The following FAM135A variants were observed in gnomAD, a reference collection of about 807,000 sequenced individuals.
FAM135A encodes the protein family with sequence similarity 135 member A, also known as protein FAM135A.
In FAM135A, 79 loss-of-function variants were observed where a neutral mutation model predicts 146.8. The observed-to-expected ratio is 0.54, with a 90% confidence interval of 0.45 to 0.65. FAM135A has a LOEUF of 0.65. Among genes scored for constraint, FAM135A ranks in the 30% least tolerant of loss-of-function variants. FAM135A has a pLI of 0.00. For synonymous variants in FAM135A, 562 were observed against 603.6 expected, an observed-to-expected ratio of 0.93 and a Z score of 1.01; for missense variants, 1,623 against 1,758.2, an observed-to-expected ratio of 0.92 and a Z score of 1.38.
chr6:70,541,831 A>T (rs921772049), intron 20 of FAM135A, among the ~76,000 whole-genome samples: 2 of 152,170 alleles, frequency 1.3e-5, no homozygotes, highest in African/African-American at 2.4e-5. Context: ...GAATGGCATC[A>T]TCTGCCTAGT....
intron 5 of FAM135A, among the ~76,000 whole-genome samples, chr6:70,454,325 A>G (rs1777806532): frequency 6.6e-6 from 1 of 152,170 alleles, no homozygotes. Flanking sequence ...TCAGATGGGT[A>G]GATTGCAAGA....
intron 4 of FAM135A, among the ~76,000 whole-genome samples, chr6:70,449,203 A>C (rs1776498609): frequency 6.6e-6 from 1 of 152,188 alleles, no homozygotes; most frequent in Non-Finnish European, 1.5e-5. Context: ...GTATGTATTA[A>C]ATCAAGCTAA....
intron 2 of FAM135A, among the ~76,000 whole-genome samples, chr6:70,422,475 A>T (rs2127724401): frequency 6.6e-6 from 1 of 152,318 alleles, no homozygotes; most frequent in East Asian, 1.9e-4. Context: ...ATTTGTCAGC[A>T]TCATTATGTA....
intron 7 of FAM135A, 31 bp downstream of exon 7, chr6:70,475,764 G>T: frequency 6.6e-7 from 1 of 1,516,710 alleles, no homozygotes; most frequent in South Asian, 1.2e-5. Flanking sequence ...AAAACCTTTA[G>T]GCACTTATGA....
At chr6:70,428,831 T>A (rs1282197430) in intron 4 of FAM135A, among the ~76,000 whole-genome samples, 1 of 152,222 alleles carries the variant, frequency 6.6e-6, no homozygotes, top group Non-Finnish European at 1.5e-5. Context: ...ATATCATTTT[T>A]AATTATTAAC....
intron 5 of FAM135A, among the ~76,000 whole-genome samples, chr6:70,457,553 T>C (rs1310639529): frequency 1.3e-5 from 2 of 152,226 alleles, no homozygotes; most frequent in Non-Finnish European, 2.9e-5. Flanking sequence ...AAAGTGGACA[T>C]TTTATAGCTG....
intron 20 of FAM135A, among the ~76,000 whole-genome samples, chr6:70,540,749 T>A (rs2128443882): frequency 6.6e-6 from 1 of 152,306 alleles, no homozygotes; most frequent in Admixed American, 6.5e-5. Context: ...TCTATCCTAG[T>A]CATCTTGCAA....
At chr6:70,507,605 T>A (rs1484901413) in intron 12 of FAM135A, among the ~76,000 whole-genome samples, 1 of 152,172 alleles carries the variant, frequency 6.6e-6, no homozygotes, top group Admixed American at 6.6e-5. Flanking sequence ...AATTTTATAC[T>A]GGTTCAACTA....
At chr6:70,493,762 G>A (rs1305861996) in intron 11 of FAM135A, among the ~76,000 whole-genome samples, 2 of 152,104 alleles carry the variant, frequency 1.3e-5, no homozygotes, top group Non-Finnish European at 2.9e-5. Flanking sequence ...CCTTAAAAAT[G>A]ATGTTTTTGG....
Position 70,525,621 on chromosome 6 carries a change from A to G in FAM135A, c.2537A>G (p.Asp846Gly), listed in dbSNP as rs766907335. The change falls in exon 15 of 22, where the codon GAT (aspartate) becomes GGT (glycine). Residue 846 changes from aspartate to glycine, a missense_variant. Around this residue, in one of 7 missense-constraint regions of FAM135A, gnomAD observed 1,061 missense variants for 1,113.8 expected, o/e 0.95. Coordinates refer to ENST00000418814, the MANE Select transcript of FAM135A (RefSeq NM_001162529.3). ...ACATCCATAAACTCTCTACCCTCCGATGATGAACTGTCACCTGATGAAAAT... is the reference window on the plus strand; with the variant it reads ...ACATCCATAAACTCTCTACCCTCCGGTGATGAACTGTCACCTGATGAAAAT... ...SLTSINSLPS[D>G]DELSPDENSK... 18 of 1,613,390 alleles carry G rather than the reference A, an allele frequency of 1.1e-5. No individual in the cohort carries two copies. The highest frequency in any genetic ancestry group is 1.3e-5 in the Non-Finnish European group (15 of 1,179,654).
Position 70,480,918 on chromosome 6 carries a change from A to G in FAM135A, c.560A>G (p.Lys187Arg), listed in dbSNP as rs1469673088. 5 of 1,611,010 alleles carry G rather than the reference A, an allele frequency of 3.1e-6. No homozygotes were observed. The change falls in exon 9 of 22, where the codon AAG (lysine) becomes AGG (arginine). Residue 187 changes from lysine to arginine, a missense_variant. Physicochemically the swap from Lys to Arg is conservative, Grantham distance 26 (BLOSUM62 2). Coordinates refer to ENST00000418814, the MANE Select transcript of FAM135A (RefSeq NM_001162529.3). ...TCCTCCAGCTTTCCTCGCCCTGTGA[A>G]GACAACTTGGTTAAATAGAAATGCA... ...QPLISFPRPV[K>R]TTWLNRNAPA...
chr6:70,417,640 T>G, intron 2 of FAM135A: 1 of 985,144 alleles, frequency 1.0e-6, no homozygotes, highest in Non-Finnish European at 1.2e-6. Context: ...TGCAGCTGTT[T>G]CATTCATGAT....
intron 20 of FAM135A, among the ~76,000 whole-genome samples, chr6:70,540,547 G>C (rs1242380685): frequency 6.6e-6 from 1 of 151,930 alleles, no homozygotes; most frequent in East Asian, 1.9e-4. Context: ...GGCTGGTCTC[G>C]ATCTCCTGAC....
chr6:70,462,253 A>C (rs1554276123), intron 5 of FAM135A, among the ~76,000 whole-genome samples: 1 of 152,186 alleles, frequency 6.6e-6, no homozygotes, highest in Non-Finnish European at 1.5e-5. Context: ...ATGAGAGAAC[A>C]CATATGTTTG....
At chr6:70,473,540 C>T (rs1782020639) in intron 5 of FAM135A, among the ~76,000 whole-genome samples, 2 of 152,142 alleles carry the variant, frequency 1.3e-5, no homozygotes, top group African/African-American at 4.8e-5. Flanking sequence ...TACATCCTTT[C>T]CCTGATAGGT....
rs989087176 is a variant in FAM135A, at chr6:70,416,562, A to T, written c.-134+1186A>T. 9.2e-5 allele frequency among the ~76,000 whole-genome samples: 14 copies of T among 152,158 alleles called. 1 individual carries two copies. Among genetic ancestry groups the T allele is most frequent in the Non-Finnish European group, 2.9e-5 (2 of 68,034 alleles). On this transcript the variant is annotated intron_variant, in intron 2 of 21. Transcript: ENST00000418814. Reference sequence around the variant, plus strand: ...TACATGTGTGCATTTAAATAAATGGATGGAGCTGAGGGCATATAGATTTGA... The same window carrying T: ...TACATGTGTGCATTTAAATAAATGGTTGGAGCTGAGGGCATATAGATTTGA...
chr6:70,510,130 G>T (rs138683255), intron 12 of FAM135A, among the ~76,000 whole-genome samples: 2 of 151,788 alleles, frequency 1.3e-5, no homozygotes, highest in Non-Finnish European at 2.9e-5. Flanking sequence ...GTATGCTGCC[G>T]TTGGTCTAAT....
At chr6:70,537,300 C>T (rs1024888252) in intron 19 of FAM135A, among the ~76,000 whole-genome samples, 1 of 152,102 alleles carries the variant, frequency 6.6e-6, no homozygotes, top group African/African-American at 2.4e-5. Context: ...ATAAATTAGT[C>T]AATTGATTCC....
intron 7 of FAM135A, among the ~76,000 whole-genome samples, chr6:70,476,101 T>C (rs1471765098): frequency 3.3e-5 from 5 of 152,192 alleles, no homozygotes; most frequent in Non-Finnish European, 5.9e-5. Context: ...GGTAGGACTT[T>C]GTTGATATTC....
Sources: gnomAD v4.1 joint callset for allele counts (sites outside exome capture counted in the v4.1 genomes callset) on GRCh38, gnomAD v4.1.1 for gene constraint, gnomAD v4.1.1 regional missense constraint, MANE v1.5 for transcripts, NCBI Gene and HGNC (gene_info 2026-07-23, HGNC 2026-07-21) for gene names.